Variants in RADX observed in about 807,000 individuals in gnomAD.
RADX encodes the protein RPA-related protein RADX.
RADX carries 36 observed loss-of-function variants against 61.6 expected under a neutral mutation model. The observed-to-expected ratio is 0.58, with a 90% CI of 0.45 to 0.77. RADX has a LOEUF of 0.77. RADX is among the 30% of genes least tolerant of loss of function. The probability of loss-of-function intolerance (pLI) is 0.00; values close to 1 mark genes in which losing one functional copy is unlikely to be tolerated. For synonymous variants in RADX, 272 were observed against 237.9 expected, an observed-to-expected ratio of 1.14 and a Z score of -1.32; for missense variants, 497 against 651.1, an observed-to-expected ratio of 0.76 and a Z score of 2.58.
At chrX:106,652,642 A>G (rs1331614994) in intron 11 of RADX, among the ~76,000 whole-genome samples, 4 of 108,479 alleles carry the variant, frequency 3.7e-5, no homozygotes, top group African/African-American at 1.3e-4. Context: ...CATAACAGTC[A>G]TGGTGCACTC....
At chrX:106,652,988 A>G (rs2147632336) in intron 11 of RADX, among the ~76,000 whole-genome samples, 1 of 107,700 alleles carries the variant, frequency 9.3e-6, no homozygotes, top group East Asian at 2.9e-4. Flanking sequence ...TCTGTCAAAA[A>G]AAAAAAAAAA....
At chrX:106,654,401 ATTTG>A (rs1289696897) in intron 11 of RADX, among the ~76,000 whole-genome samples, 1 of 110,769 alleles carries the variant, frequency 9.0e-6, no homozygotes, top group East Asian at 2.8e-4. Flanking sequence ...TTTCTTGTAA[ATTTG>A]TTTAAGTGAC....
chrX:106,615,056 T>A (rs2147608117), intron 1 of RADX, among the ~76,000 whole-genome samples: 1 of 111,465 alleles, frequency 9.0e-6, no homozygotes, highest in Admixed American at 9.5e-5. Flanking sequence ...AAAATAGAAG[T>A]TAGCCTGTGC....
chrX:106,669,982 T>A (rs747435712), intron 13 of RADX, among the ~76,000 whole-genome samples: 78 of 111,994 alleles, frequency 7.0e-4, no homozygotes, highest in Non-Finnish European at 1.3e-3. Flanking sequence ...ATTGAGCTTA[T>A]CAGGATATTA....
In RADX at chrX:106,676,800, G is replaced by A. The variant is rs748617460; in HGVS notation, c.2438-1328G>A. On this transcript the variant is annotated intron_variant, in intron 13 of 13. Transcript: ENST00000372548. ...AATTCTGCCTTAGCCTTCACTTCCTGCTTGCTCAGAGCATGAAGGTCAGCC... is the reference window on the plus strand; with the variant it reads ...AATTCTGCCTTAGCCTTCACTTCCTACTTGCTCAGAGCATGAAGGTCAGCC... 3.6e-5 allele frequency among the ~76,000 whole-genome samples: 4 copies of A among 111,782 alleles called. No individual in the cohort carries two copies. In the East Asian group the frequency reaches 1.1e-3, roughly 31 times the overall value.
At chrX:106,665,272 T>C (rs1431723101) in intron 12 of RADX, among the ~76,000 whole-genome samples, 1 of 111,796 alleles carries the variant, frequency 8.9e-6, no homozygotes, top group Non-Finnish European at 1.9e-5. Context: ...AAGGGCCAAG[T>C]AGTAAATGTT....
At chrX:106,657,588 A>G (rs1160368111) in intron 11 of RADX, among the ~76,000 whole-genome samples, 1 of 111,214 alleles carries the variant, frequency 9.0e-6, no homozygotes, top group Non-Finnish European at 1.9e-5. Flanking sequence ...GAGATGTGTG[A>G]CTCTCCTTTC....
In RADX at chrX:106,641,023, A is replaced by T. The variant is rs1174268090; in HGVS notation, c.1904+302A>T. 2.7e-5 allele frequency among the ~76,000 whole-genome samples: 3 copies of T among 110,682 alleles called. No homozygotes were observed. In the Admixed American group the frequency reaches 2.9e-4, roughly 11 times the overall value. On this transcript the variant is annotated intron_variant, in intron 10 of 13. Transcript: ENST00000372548. ...TTGGCATTCCTTAACTTGTAGAAGC[A>T]TCACCCCAATCTCTGCCTTCATATT...
intron 1 of RADX, among the ~76,000 whole-genome samples, chrX:106,615,631 A>G (rs1926784178): frequency 9.0e-6 from 1 of 111,508 alleles, no homozygotes; most frequent in Admixed American, 9.5e-5. Flanking sequence ...TCTTCATAGA[A>G]TCATAGCATT....
chrX:106,653,504 GTTTTA>G (rs60789629), intron 11 of RADX, among the ~76,000 whole-genome samples: 11,489 of 102,308 alleles, frequency 0.11, 735 homozygotes, highest in Admixed American at 0.17. Flanking sequence ...ATGGGATTAT[GTTTTA>G]TTTTATTTTA....
At chrX:106,673,604 G>A (rs1055015607) in intron 13 of RADX, among the ~76,000 whole-genome samples, 2 of 108,295 alleles carry the variant, frequency 1.8e-5, no homozygotes, top group Non-Finnish European at 3.8e-5. Flanking sequence ...TGCAGCCTGG[G>A]GTTAAGGGAG....
At chrX:106,669,619 A>G (rs1928318124) in intron 13 of RADX, among the ~76,000 whole-genome samples, 1 of 111,960 alleles carries the variant, frequency 8.9e-6, no homozygotes, top group Non-Finnish European at 1.9e-5. Context: ...ATGGAACAGT[A>G]CAAATTCTAC....
At chrX:106,628,163 GA>G (rs891992234) in intron 3 of RADX, among the ~76,000 whole-genome samples, 6 of 108,653 alleles carry the variant, frequency 5.5e-5, no homozygotes, top group East Asian at 2.9e-4. Flanking sequence ...CTTTTAAAGA[GA>G]AAAAAAAAGG....
chrX:106,668,322 G>A (rs2147642173), intron 12 of RADX, among the ~76,000 whole-genome samples: 1 of 111,657 alleles, frequency 9.0e-6, no homozygotes, highest in East Asian at 2.8e-4. Context: ...CGAAAAGGAG[G>A]AGTTAAGGAT....
At chrX:106,628,882 G>A (rs1405200678) in intron 3 of RADX, among the ~76,000 whole-genome samples, 2 of 111,300 alleles carry the variant, frequency 1.8e-5, no homozygotes, top group Non-Finnish European at 3.8e-5. Flanking sequence ...TGATCCACCC[G>A]CCTTGGTCTC....
At position 106,649,368 on chromosome X, in the gene RADX, A is replaced by G. The variant is rs1343983277; in HGVS notation, c.1978+982A>G. 2.7e-5 allele frequency among the ~76,000 whole-genome samples: 3 copies of G among 111,940 alleles called. No homozygotes were observed. In the East Asian group the frequency reaches 8.5e-4, roughly 32 times the overall value. ...TCTAAAAATGAAGGAGAAAACCATA[A>G]TTGTTCCCAGGTTTTGTGATTCTCT... On this transcript the variant is annotated intron_variant, in intron 11 of 13. Coordinates refer to ENST00000372548, the MANE Select transcript of RADX (RefSeq NM_018015.6).
intron 11 of RADX, among the ~76,000 whole-genome samples, chrX:106,658,272 A>G (rs1164684873): frequency 2.7e-5 from 3 of 111,991 alleles, no homozygotes; most frequent in Non-Finnish European, 5.6e-5. Context: ...ATAAAAATTT[A>G]AAGTAGAGAA....
intron 3 of RADX, among the ~76,000 whole-genome samples, chrX:106,631,827 GAAAA>G (rs1205376389): frequency 1.9e-5 from 2 of 106,042 alleles, no homozygotes; most frequent in Non-Finnish European, 3.9e-5. Context: ...AAGAAAGAAA[GAAAA>G]GAAAGAAAGA....
At chrX:106,670,753 T>C (rs145672327) in intron 13 of RADX, among the ~76,000 whole-genome samples, 276 of 110,685 alleles carry the variant, frequency 2.5e-3, no homozygotes, top group African/African-American at 8.8e-3. Flanking sequence ...AAGTGAACCT[T>C]ATTATCCCCT....
Sources: allele counts gnomAD v4.1 joint callset (sites outside exome capture counted in the v4.1 genomes callset), GRCh38; gene constraint gnomAD v4.1.1; transcripts MANE v1.5; gene names NCBI Gene and HGNC (gene_info 2026-07-23, HGNC 2026-07-21).